Variants in FOXP1 observed in about 807,000 individuals in gnomAD.
The protein encoded by FOXP1 is forkhead box P1.
Under a neutral mutation model 98.2 loss-of-function variants are expected in FOXP1, and 15 were observed. That is an observed-to-expected ratio of 0.15 (90% CI 0.10 to 0.24). The LOEUF is 0.24. Among genes scored for constraint, FOXP1 ranks in the 10% least tolerant of loss-of-function variants. FOXP1 has a pLI of 1.00. For missense variants in FOXP1, 633 were observed against 848.5 expected (o/e 0.75, Z 3.15); for synonymous variants, 371 against 314.5 (o/e 1.18, Z -1.90).
At chr3:71,492,434 T>C (rs1043879549) in intron 3 of FOXP1, among the ~76,000 whole-genome samples, 40 of 150,862 alleles carry the variant, frequency 2.7e-4, no homozygotes, top group African/African-American at 8.1e-4. Context: ...CCTGGAACAA[T>C]TGGGAAACTC....
rs2089631978 is a variant in FOXP1, at chr3:71,474,379, G to C, written c.-168+19047C>G. The stretch of plus-strand genomic sequence containing the variant: ...TATGACTGTCACCTGGGTATTTCTA[G>C]ACAGATTTCTGACCCTCATCTCCAA... On this transcript the variant is annotated intron_variant, in intron 3 of 20. Coordinates refer to ENST00000649528, the MANE Select transcript of FOXP1 (RefSeq NM_001349338.3). 2.0e-5 allele frequency among the ~76,000 whole-genome samples: 3 copies of C among 152,296 alleles called. No individual in the cohort carries two copies. The South Asian group carries it at 6.2e-4, about 32-fold the overall frequency.
intron 5 of FOXP1, among the ~76,000 whole-genome samples, chr3:71,233,207 G>A (rs2106793201): frequency 7.0e-6 from 1 of 143,670 alleles, no homozygotes; most frequent in South Asian, 2.4e-4. Context: ...GTAAGAAAGG[G>A]AGAGAAGGGG....
At chr3:71,133,741 C>T (rs899226927) in intron 6 of FOXP1, among the ~76,000 whole-genome samples, 1 of 151,832 alleles carries the variant, frequency 6.6e-6, no homozygotes, top group Admixed American at 6.6e-5. Context: ...TCCTAAATAC[C>T]AAGGTTATTT....
chr3:71,509,381 G>A (rs909543346), intron 2 of FOXP1, among the ~76,000 whole-genome samples: 6 of 152,170 alleles, frequency 3.9e-5, no homozygotes, highest in Non-Finnish European at 8.8e-5. Flanking sequence ...CGGTCTTCCC[G>A]TGTGGGTTTT....
intron 3 of FOXP1, among the ~76,000 whole-genome samples, chr3:71,432,015 C>A (rs77488026): frequency 6.6e-5 from 10 of 152,200 alleles, no homozygotes; most frequent in African/African-American, 2.2e-4. Flanking sequence ...TATGACCAAG[C>A]TGCAGGATCC....
At chr3:71,488,281 G>A (rs2090812067) in intron 3 of FOXP1, among the ~76,000 whole-genome samples, 1 of 152,154 alleles carries the variant, frequency 6.6e-6, no homozygotes, top group South Asian at 2.1e-4. Context: ...CTTAAAATAG[G>A]AGTTGGGGGG....
At chr3:71,084,353 G>T (rs1374452559) in intron 7 of FOXP1, among the ~76,000 whole-genome samples, 4 of 145,900 alleles carry the variant, frequency 2.7e-5, no homozygotes, top group Admixed American at 2.0e-4. Flanking sequence ...AGTGTGTGTG[G>T]TTTTTTTTTT....
chr3:71,183,755 T>C (rs1576265894), intron 6 of FOXP1, among the ~76,000 whole-genome samples: 1 of 152,290 alleles, frequency 6.6e-6, no homozygotes, highest in East Asian at 1.9e-4. Flanking sequence ...GTTCTTCAAC[T>C]GGCAGCAAAG....
intron 5 of FOXP1, among the ~76,000 whole-genome samples, chr3:71,220,185 C>T (rs551070015): frequency 6.6e-6 from 1 of 152,316 alleles, no homozygotes; most frequent in South Asian, 2.1e-4. Flanking sequence ...TTGCCCCTAA[C>T]AGGATACCAG....
chr3:71,179,134 CTTTT>C (rs34816512), intron 6 of FOXP1, among the ~76,000 whole-genome samples: 15 of 124,806 alleles, frequency 1.2e-4, no homozygotes, highest in African/African-American at 3.7e-4. Flanking sequence ...TCTTAACAAT[CTTTT>C]TTTTTTTTTT....
intron 4 of FOXP1, among the ~76,000 whole-genome samples, chr3:71,358,923 G>A (rs565199312): frequency 7.9e-5 from 12 of 152,080 alleles, no homozygotes; most frequent in Non-Finnish European, 1.6e-4. Flanking sequence ...CCTGCATTAG[G>A]TCACCTTCCC....
intron 9 of FOXP1, 146 bp from the exon 10 acceptor site, chr3:71,047,241 G>T (rs1162337813): frequency 1.1e-6 from 1 of 907,456 alleles, no homozygotes; most frequent in Non-Finnish European, 1.8e-6. Context: ...GTTTAAAAGG[G>T]ACAAAGCATA....
chr3:71,469,326 G>A (rs941555688), intron 3 of FOXP1, among the ~76,000 whole-genome samples: 1 of 152,168 alleles, frequency 6.6e-6, no homozygotes, highest in African/African-American at 2.4e-5. Flanking sequence ...GAAGACTTCA[G>A]AACGGATAGC....
chr3:71,064,681 G>A (rs1171850543), intron 7 of FOXP1: 30 of 500,798 alleles, frequency 6.0e-5, no homozygotes, highest in Non-Finnish European at 7.5e-5. Flanking sequence ...GGTAAACAGC[G>A]AGGATGAGGA....
At chr3:71,501,995 C>G (rs2041412247) in intron 2 of FOXP1, among the ~76,000 whole-genome samples, 1 of 152,298 alleles carries the variant, frequency 6.6e-6, no homozygotes, top group African/African-American at 2.4e-5. Context: ...GCGCCTGGAA[C>G]ACAGAAGGTT....
chr3:71,483,234 T>C (rs1020369886), intron 3 of FOXP1, among the ~76,000 whole-genome samples: 3 of 152,306 alleles, frequency 2.0e-5, no homozygotes, highest in Admixed American at 2.0e-4. Flanking sequence ...TCTAGATATA[T>C]TTTTGTCTTT....
chr3:71,198,443 A>C (rs1027473642), intron 5 of FOXP1, 51 bp from the exon 6 acceptor site: 2 of 1,311,126 alleles, frequency 1.5e-6, no homozygotes, highest in Non-Finnish European at 2.2e-6. Context: ...AGAAAAAAAA[A>C]GCAGCTGTTA....
intron 3 of FOXP1, among the ~76,000 whole-genome samples, chr3:71,447,783 G>A (rs1231293816): frequency 6.6e-6 from 1 of 152,144 alleles, no homozygotes; most frequent in East Asian, 1.9e-4. Flanking sequence ...AATGGGGCAG[G>A]GGGAGAGGGG....
chr3:71,489,108 G>A (rs889676866), intron 3 of FOXP1, among the ~76,000 whole-genome samples: 6 of 151,942 alleles, frequency 3.9e-5, no homozygotes, highest in Non-Finnish European at 1.5e-5. Context: ...CGCCACCACC[G>A]CCCCACCCCA....
Sources: gnomAD v4.1 joint callset for allele counts (sites outside exome capture counted in the v4.1 genomes callset) on GRCh38, gnomAD v4.1.1 for gene constraint, MANE v1.5 for transcripts, NCBI Gene and HGNC (gene_info 2026-07-23, HGNC 2026-07-21) for gene names.